The following IFT52 variants were observed in gnomAD, a reference collection of about 807,000 sequenced individuals.
IFT52 encodes intraflagellar transport protein 52 homolog.
A neutral mutation model predicts 54.4 loss-of-function variants in IFT52; 44 were observed. That is an observed-to-expected ratio of 0.81 (90% CI 0.63 to 1.04). The LOEUF (loss-of-function observed/expected upper bound fraction) is 1.04. Among genes scored for constraint, IFT52 ranks in the 50% least tolerant of loss-of-function variants. The pLI is 0.00. For synonymous variants in IFT52, 181 were observed against 185.3 expected (o/e 0.98, Z 0.19); for missense variants, 452 against 523.6 (o/e 0.86, Z 1.33).
intron 3 of IFT52, among the ~76,000 whole-genome samples, chr20:43,600,059 G>A (rs1377381682): frequency 6.6e-6 from 1 of 152,098 alleles, no homozygotes; most frequent in Non-Finnish European, 1.5e-5. Flanking sequence ...AAATGTTTAT[G>A]CATATATATA....
At chr20:43,595,744 G>C (rs576667362) in intron 2 of IFT52, among the ~76,000 whole-genome samples, 1 of 152,110 alleles carries the variant, frequency 6.6e-6, no homozygotes, top group East Asian at 1.9e-4. Flanking sequence ...AAATTAGCCA[G>C]ACATGATGGT....
At chr20:43,628,948 T>C (rs1232363091) in intron 10 of IFT52, among the ~76,000 whole-genome samples, 1 of 152,072 alleles carries the variant, frequency 6.6e-6, no homozygotes, top group Admixed American at 6.6e-5. Context: ...AGACAAGGTT[T>C]CTGTAGAAGG....
At chr20:43,638,843 C>T (rs1385707209) in intron 12 of IFT52, among the ~76,000 whole-genome samples, 4 of 152,100 alleles carry the variant, frequency 2.6e-5, no homozygotes, top group Admixed American at 2.0e-4. Context: ...ACTGCATGTA[C>T]AAGAGGATAC....
chr20:43,615,601 C>T (rs1269437005), intron 7 of IFT52, among the ~76,000 whole-genome samples: 2 of 151,126 alleles, frequency 1.3e-5, no homozygotes, highest in Non-Finnish European at 2.9e-5. Context: ...GTCAGGAGTC[C>T]AAGACCAGCT....
intron 6 of IFT52, among the ~76,000 whole-genome samples, chr20:43,608,943 A>G (rs1225211084): frequency 6.6e-6 from 1 of 151,794 alleles, no homozygotes; most frequent in Non-Finnish European, 1.5e-5. Context: ...AAAAAATAAA[A>G]TAATGTGATT....
intron 6 of IFT52, among the ~76,000 whole-genome samples, chr20:43,608,763 C>T (rs944828329): frequency 4.0e-5 from 6 of 151,788 alleles, no homozygotes; most frequent in East Asian, 1.9e-4. Flanking sequence ...AAAATTTAGC[C>T]GGTCGTTGGT....
At chr20:43,608,684 C>T (rs1262080012) in intron 6 of IFT52, among the ~76,000 whole-genome samples, 1 of 151,972 alleles carries the variant, frequency 6.6e-6, no homozygotes, top group Non-Finnish European at 1.5e-5. Flanking sequence ...GCAGGCAGAT[C>T]ACTTGAGCTC....
chr20:43,600,189 G>C (rs1982311124), intron 3 of IFT52, among the ~76,000 whole-genome samples: 1 of 152,116 alleles, frequency 6.6e-6, no homozygotes, highest in Admixed American at 6.6e-5. Flanking sequence ...CGATGAATGG[G>C]ATAGGTACAT....
chr20:43,625,684 A>G lies in IFT52; in HGVS notation c.923+1639A>G, dbSNP rs193221080. Among the ~76,000 whole-genome samples the G allele has an allele frequency of 3.6e-3, 552 of 152,268 alleles. 2 individuals are homozygous for G. The highest frequency in any genetic ancestry group is 0.013 in the African/African-American group (523 of 41,564). ...GGAATGCCTGATACATTCAAGGAAG[A>G]GCAACAAGGCCATCGTGGCCACTGC... On this transcript the variant is annotated intron_variant, in intron 10 of 13. Coordinates refer to ENST00000373030, the MANE Select transcript of IFT52 (RefSeq NM_016004.5).
chr20:43,624,139 A>G (rs1984550992), intron 10 of IFT52, 94 bp downstream of exon 10: 1 of 1,297,584 alleles, frequency 7.7e-7, no homozygotes, highest in Admixed American at 1.9e-5. Context: ...GGGTCACAGT[A>G]AATGTGGCAT....
intron 10 of IFT52, among the ~76,000 whole-genome samples, chr20:43,631,706 G>A (rs1229896379): frequency 6.6e-6 from 1 of 152,156 alleles, no homozygotes; most frequent in Non-Finnish European, 1.5e-5. Context: ...CAGCTCTGTA[G>A]GCTCGCTCCT....
intron 6 of IFT52, among the ~76,000 whole-genome samples, chr20:43,606,107 G>C (rs1458857546): frequency 1.3e-5 from 2 of 151,822 alleles, no homozygotes; most frequent in African/African-American, 4.8e-5. Context: ...TATAATCCCA[G>C]CTACTGGGGA....
intron 1 of IFT52, among the ~76,000 whole-genome samples, chr20:43,594,215 G>A (rs373505633): frequency 1.3e-5 from 2 of 152,212 alleles, no homozygotes; most frequent in South Asian, 2.1e-4. Context: ...GGCTGAGGCA[G>A]GAGAATCGCT....
intron 6 of IFT52, among the ~76,000 whole-genome samples, chr20:43,609,072 CAA>C (rs1207411743): frequency 8.3e-6 from 1 of 120,760 alleles, no homozygotes. Flanking sequence ...CCTGTCTCTA[CAA>C]AAAAAAAAAA....
At chr20:43,594,354 A>T (rs1981764061) in intron 1 of IFT52, among the ~76,000 whole-genome samples, 1 of 152,122 alleles carries the variant, frequency 6.6e-6, no homozygotes, top group Admixed American at 6.6e-5. Flanking sequence ...TGCGCTTAAC[A>T]GTAGTTAGCA....
chr20:43,622,000 C>A (rs1424660068), intron 9 of IFT52, among the ~76,000 whole-genome samples: 1 of 152,216 alleles, frequency 6.6e-6, no homozygotes, highest in Non-Finnish European at 1.5e-5. Context: ...AAATGGCAGG[C>A]AAGTGCAGAG....
chr20:43,612,976 C>T (rs1361382528), intron 6 of IFT52, among the ~76,000 whole-genome samples: 2 of 152,138 alleles, frequency 1.3e-5, no homozygotes, highest in African/African-American at 2.4e-5. Context: ...CCAGAATCTG[C>T]ACCCCACCTT....
chr20:43,597,023 G>C (rs1017314128), intron 3 of IFT52, among the ~76,000 whole-genome samples: 3 of 150,922 alleles, frequency 2.0e-5, no homozygotes, highest in Admixed American at 1.3e-4. Context: ...TTACAGGTGT[G>C]AGCCACCGAG....
chr20:43,646,962 A>G lies in IFT52; in HGVS notation c.1293A>G (p.Thr431=), dbSNP rs761255503. ...NQEHDIDTSE[T]AFQNNF The stretch of plus-strand genomic sequence containing the variant: ...AACATGACATCGATACAAGTGAAAC[A>G]GCATTCCAGAACAATTTCTGAAGAC... The change falls in exon 14 of 14, where the codon ACA becomes ACG. Residue 431 remains threonine, a synonymous_variant. Transcript: ENST00000373030. The G allele has an allele frequency of 2.2e-5, 35 of 1,613,786 alleles. No individual in the cohort carries two copies. In the African/African-American group the frequency reaches 4.1e-4, roughly 19 times the overall value.
Sources: gnomAD v4.1 joint callset for allele counts (sites outside exome capture counted in the v4.1 genomes callset) on GRCh38, gnomAD v4.1.1 for gene constraint, MANE v1.5 for transcripts, NCBI Gene and HGNC (gene_info 2026-07-23, HGNC 2026-07-21) for gene names.